LRRTM3: variants seen among roughly 807,000 people sequenced by gnomAD.
LRRTM3 encodes the protein leucine rich repeat transmembrane neuronal 3, also known as leucine-rich repeat transmembrane neuronal protein 3.
A neutral mutation model predicts 44.7 loss-of-function variants in LRRTM3; 24 were observed. That is an observed-to-expected ratio of 0.54 (90% CI 0.39 to 0.76). LRRTM3 has a LOEUF of 0.76. Among genes scored for constraint, LRRTM3 ranks in the 30% least tolerant of loss-of-function variants. The probability of loss-of-function intolerance (pLI) is 0.00; values close to 1 mark genes in which losing one functional copy is unlikely to be tolerated. For synonymous variants in LRRTM3, 277 were observed against 278.7 expected (o/e 0.99, Z 0.06); for missense variants, 587 against 702.2 (o/e 0.84, Z 1.85).
At chr10:67,004,169 T>C (rs1018554314) in intron 2 of LRRTM3, among the ~76,000 whole-genome samples, 9 of 151,904 alleles carry the variant, frequency 5.9e-5, no homozygotes, top group Admixed American at 5.2e-4. Context: ...TAGTGACAAA[T>C]ACTTAATTAA....
intron 2 of LRRTM3, among the ~76,000 whole-genome samples, chr10:67,066,828 T>A (rs1423453591): frequency 2.0e-5 from 3 of 152,246 alleles, no homozygotes; most frequent in Non-Finnish European, 4.4e-5. Context: ...CAGAAGGAAA[T>A]GTAAATAGTG....
At chr10:66,991,700 C>G (rs1851047850) in intron 2 of LRRTM3, among the ~76,000 whole-genome samples, 1 of 152,110 alleles carries the variant, frequency 6.6e-6, no homozygotes, top group East Asian at 1.9e-4. Flanking sequence ...TAGAGGCATG[C>G]ACCAGAAAAC....
chr10:66,981,640 C>A (rs1850449343), intron 2 of LRRTM3, among the ~76,000 whole-genome samples: 1 of 152,164 alleles, frequency 6.6e-6, no homozygotes, highest in Non-Finnish European at 1.5e-5. Context: ...TACAATATTG[C>A]ACATATTGAA....
chr10:66,934,757 G>GT lies in LRRTM3; in HGVS notation c.1536+6312dup, dbSNP rs552816862. ...TTTGTCTTCTCAAGGGTAAAATATA[G>GT]TTTTTTTGGCCTGGCATATAAAATA... On this transcript the variant is annotated intron_variant, in intron 2 of 2. Coordinates refer to ENST00000361320, the MANE Select transcript of LRRTM3 (RefSeq NM_178011.5). Among the ~76,000 whole-genome samples, 148 of 152,198 alleles carry GT rather than the reference G, an allele frequency of 9.7e-4. 1 individual carries two copies. The highest frequency in any genetic ancestry group is 3.3e-3 in the African/African-American group (139 of 41,544).
rs1408209322 is a variant in LRRTM3, at chr10:66,928,149, C to T, written c.1233C>T (p.Asp411=). ...AGCCCGGCCCAGAGACCGATGCTGA[C>T]GCCGAGCACATCTCTTTCCATAAAA... ...ATEPGPETDA[D]AEHISFHKII... Residue 411 remains aspartate (D), a synonymous_variant, in exon 2 of 3, where the codon GAC becomes GAT. Coordinates refer to ENST00000361320, the MANE Select transcript of LRRTM3 (RefSeq NM_178011.5). 1.9e-6 allele frequency: 3 copies of T among 1,614,100 alleles called. No homozygotes were observed. The highest frequency in any genetic ancestry group is 1.3e-5 in the African/African-American group (1 of 75,056).
intron 2 of LRRTM3, among the ~76,000 whole-genome samples, chr10:66,940,927 T>G (rs190747156): frequency 6.6e-6 from 1 of 152,340 alleles, no homozygotes; most frequent in Admixed American, 6.5e-5. Flanking sequence ...CTGCAGTAAC[T>G]ATATCGTAGC....
intron 2 of LRRTM3, among the ~76,000 whole-genome samples, chr10:67,011,947 C>A (rs1193724792): frequency 6.6e-6 from 1 of 152,102 alleles, no homozygotes; most frequent in African/African-American, 2.4e-5. Context: ...CCCAGGAGTA[C>A]CCATCCATGG....
At chr10:66,957,415 CATATATATATATGCAT>C (rs1848865948) in intron 2 of LRRTM3, among the ~76,000 whole-genome samples, 5 of 32,530 alleles carry the variant, frequency 1.5e-4, no homozygotes, top group African/African-American at 7.5e-4. Context: ...TATATATATG[CATATATATATATGCAT>C]ATATATATAT....
At chr10:67,046,572 A>G (rs181903748) in intron 2 of LRRTM3, among the ~76,000 whole-genome samples, 1 of 152,316 alleles carries the variant, frequency 6.6e-6, no homozygotes, top group Non-Finnish European at 1.5e-5. Context: ...CTCAGAATCA[A>G]TTATTGACAT....
At chr10:66,946,007 G>A (rs1033411231) in intron 2 of LRRTM3, among the ~76,000 whole-genome samples, 1 of 152,138 alleles carries the variant, frequency 6.6e-6, no homozygotes, top group African/African-American at 2.4e-5. Context: ...TAATAATCAT[G>A]AAAATGTTTA....
intron 2 of LRRTM3, among the ~76,000 whole-genome samples, chr10:67,030,179 G>C (rs952431761): frequency 3.9e-5 from 6 of 152,128 alleles, no homozygotes; most frequent in Non-Finnish European, 8.8e-5. Flanking sequence ...GGTTTACAAG[G>C]GAAGTCAGAC....
chr10:66,990,714 C>T (rs536288851), intron 2 of LRRTM3, among the ~76,000 whole-genome samples: 121 of 152,264 alleles, frequency 7.9e-4, no homozygotes, highest in African/African-American at 2.8e-3. Flanking sequence ...TAACATTGAA[C>T]CTGTTGAGAT....
At chr10:67,089,541 G>T (rs1429797362) in intron 2 of LRRTM3, among the ~76,000 whole-genome samples, 1 of 151,898 alleles carries the variant, frequency 6.6e-6, no homozygotes, top group Non-Finnish European at 1.5e-5. Context: ...CTCTGTGGGG[G>T]AGTCTATAAA....
intron 2 of LRRTM3, among the ~76,000 whole-genome samples, chr10:67,085,405 G>C (rs530307379): frequency 9.9e-5 from 15 of 151,586 alleles, no homozygotes; most frequent in African/African-American, 3.4e-4. Flanking sequence ...AAAAAAATGA[G>C]AGGGACTAAA....
intron 2 of LRRTM3, among the ~76,000 whole-genome samples, chr10:66,990,734 T>C (rs1285665681): frequency 6.6e-6 from 1 of 152,318 alleles, no homozygotes; most frequent in South Asian, 2.1e-4. Context: ...TTCATGTAGA[T>C]AATCTGGAAT....
At chr10:66,993,558 T>A (rs1402365388) in intron 2 of LRRTM3, among the ~76,000 whole-genome samples, 1 of 152,138 alleles carries the variant, frequency 6.6e-6, no homozygotes, top group Non-Finnish European at 1.5e-5. Flanking sequence ...CAACTATGAA[T>A]CTATAAATTT....
At chr10:67,066,644 T>TA (rs5785816) in intron 2 of LRRTM3, among the ~76,000 whole-genome samples, 77,466 of 151,704 alleles carry the variant, frequency 0.51, 20,129 homozygotes, top group Middle Eastern at 0.64. Flanking sequence ...CACTAAATAA[T>TA]AAAAAATCCT....
intron 2 of LRRTM3, among the ~76,000 whole-genome samples, chr10:67,050,017 G>GA (rs1854985533): frequency 6.6e-6 from 1 of 152,156 alleles, no homozygotes; most frequent in African/African-American, 2.4e-5. Context: ...TTGTAAGTTA[G>GA]TAGATGCTGA....
At chr10:66,936,572 A>G (rs764782939) in intron 2 of LRRTM3, among the ~76,000 whole-genome samples, 9 of 152,066 alleles carry the variant, frequency 5.9e-5, no homozygotes, top group Non-Finnish European at 8.8e-5. Flanking sequence ...AGAATTCCCA[A>G]TCAAATGTTG....
Sources: gnomAD v4.1 joint callset for allele counts (sites outside exome capture counted in the v4.1 genomes callset) on GRCh38, gnomAD v4.1.1 for gene constraint, MANE v1.5 for transcripts, NCBI Gene and HGNC (gene_info 2026-07-23, HGNC 2026-07-21) for gene names.